The following PLEKHG4B variants were observed in gnomAD, a reference collection of about 807,000 sequenced individuals.
PLEKHG4B encodes pleckstrin homology and RhoGEF domain containing G4B.
In PLEKHG4B, 111 loss-of-function variants were observed where a neutral mutation model predicts 121.3. The ratio of observed to expected loss-of-function variants is 0.92; its 90% CI spans 0.78 to 1.07. PLEKHG4B has a LOEUF of 1.07. PLEKHG4B is among the 50% of genes least tolerant of loss of function. PLEKHG4B has a pLI of 0.00. For missense variants in PLEKHG4B, 1,831 were observed against 1,757.8 expected, an observed-to-expected ratio of 1.04 and a Z score of -0.74; for synonymous variants, 738 against 725.0, an observed-to-expected ratio of 1.02 and a Z score of -0.29.
chr5:99,475 C>A (rs1319205637), intron 1 of PLEKHG4B, among the ~76,000 whole-genome samples: 1 of 151,612 alleles, frequency 6.6e-6, no homozygotes, highest in African/African-American at 2.4e-5. Context: ...AAATTTATTC[C>A]TAGGTATTTA....
chr5:134,611 C>T (rs1374290304), intron 2 of PLEKHG4B, among the ~76,000 whole-genome samples: 2 of 151,418 alleles, frequency 1.3e-5, no homozygotes, highest in African/African-American at 4.9e-5. Flanking sequence ...ACTAAAAATA[C>T]AAAAATTAGC....
intron 2 of PLEKHG4B, among the ~76,000 whole-genome samples, chr5:128,786 A>G (rs1310700791): frequency 6.6e-6 from 1 of 152,166 alleles, no homozygotes; most frequent in Non-Finnish European, 1.5e-5. Flanking sequence ...CACAACTGGG[A>G]TAACCATAAA....
intron 1 of PLEKHG4B, among the ~76,000 whole-genome samples, chr5:95,477 C>G (rs1733604522): frequency 6.6e-6 from 1 of 152,226 alleles, no homozygotes; most frequent in African/African-American, 2.4e-5. Flanking sequence ...TCGCCATGCC[C>G]TGTCTCTTGC....
At chr5:122,351 C>G (rs1734492313) in intron 2 of PLEKHG4B, among the ~76,000 whole-genome samples, 1 of 151,886 alleles carries the variant, frequency 6.6e-6, no homozygotes, top group African/African-American at 2.4e-5. Context: ...TGGACAGACT[C>G]AAAAAAAGGC....
chr5:165,252 G>A (rs1736273397), intron 13 of PLEKHG4B, among the ~76,000 whole-genome samples: 1 of 36,058 alleles, frequency 2.8e-5, no homozygotes, highest in Non-Finnish European at 6.6e-5. Flanking sequence ...ATGCTCTGAC[G>A]GGGCGGGGCT....
chr5:164,824 G>A lies in PLEKHG4B; in HGVS notation c.3476+1276G>A, dbSNP rs543846443. Reference sequence around the variant, plus strand: ...GGAGCTCACACACTAATGCTGTGACGGAGCGGAGCTCACACTAATGCTGTG... The same window carrying A: ...GGAGCTCACACACTAATGCTGTGACAGAGCGGAGCTCACACTAATGCTGTG... On this transcript the variant is annotated intron_variant, in intron 13 of 19. Transcript: ENST00000637938. 1.5e-3 allele frequency among the ~76,000 whole-genome samples: 198 copies of A among 128,876 alleles called. 9 individuals are homozygous for A. The highest frequency in any genetic ancestry group is 9.3e-3 in the Middle Eastern group (2 of 216). The allele number at this position is 128,876 out of a possible 152,430, so 84.5% of individuals were successfully genotyped here.
chr5:160,310 C>G (rs758825982), intron 11 of PLEKHG4B, among the ~76,000 whole-genome samples: 5 of 152,224 alleles, frequency 3.3e-5, no homozygotes, highest in Admixed American at 6.5e-5. Context: ...ATCTCTGTGT[C>G]TCTGCTTCCT....
In PLEKHG4B at chr5:173,014, A is replaced by T. The variant is rs201688092; in HGVS notation, c.4168A>T (p.Thr1390Ser). ...LFEDLILFSK[T>S]QKVEGSHDVY... ...TGAAGACCTCATCCTGTTTAGCAAG[A>T]CCCAGAAGGTGGAGGGCAGCCACGA... The change falls in exon 17 of 20, where the codon ACC becomes TCC. Residue 1390 changes from threonine (T) to serine (S), a missense_variant. Transcript: ENST00000637938. 182 of 1,613,944 alleles carry T rather than the reference A, an allele frequency of 1.1e-4. 1 individual carries two copies. In the South Asian group the frequency reaches 1.9e-3, roughly 17 times the overall value.
chr5:169,249 G>A, intron 13 of PLEKHG4B, 91 bp from the exon 14 acceptor site: 1 of 1,540,216 alleles, frequency 6.5e-7, no homozygotes. Flanking sequence ...ATCCCTCCGG[G>A]TTTTCATGTG....
rs182940941 is a variant in PLEKHG4B at position 159,546 on chromosome 5, A to C, written c.2488-2237A>C. Among the ~76,000 whole-genome samples the C allele has an allele frequency of 6.6e-6, 1 of 151,792 alleles. No homozygotes were observed. The highest frequency in any genetic ancestry group is 6.6e-5 in the Admixed American group (1 of 15,250). On this transcript the variant is annotated intron_variant, in intron 11 of 19. Transcript: ENST00000637938. This position sits in a 1 kb window ranked among gnomAD's most constrained non-coding sequence, Gnocchi z 5.5. ...TTTTTTGTTTCTGCTCTTGCTTTTTAACTCCATGGGCTTATTTTCTGAACA... is the reference window on the plus strand; with the variant it reads ...TTTTTTGTTTCTGCTCTTGCTTTTTCACTCCATGGGCTTATTTTCTGAACA...
At chr5:148,846 A>AT (rs1735513103) in intron 6 of PLEKHG4B, among the ~76,000 whole-genome samples, 1 of 152,252 alleles carries the variant, frequency 6.6e-6, no homozygotes, top group Non-Finnish European at 1.5e-5. Context: ...CAGTAATCAA[A>AT]AAAGTTTGGC....
chr5:92,177 C>CG lies in PLEKHG4B; in HGVS notation c.-52dup, dbSNP rs1300670826. On this transcript the variant is annotated 5_prime_UTR_variant, in exon 1 of 20. Transcript: ENST00000637938. ...AAGGCGGCCTCGGCCCAGTGCACAG[C>CG]GGGACCAGGCAGAGTTCGGGGAAAG... 10 of 367,728 alleles carry CG rather than the reference C, an allele frequency of 2.7e-5. No individual in the cohort carries two copies. The highest frequency in any genetic ancestry group is 4.8e-5 in the Non-Finnish European group (10 of 206,816). 22.8% of individuals were successfully genotyped at this position (367,728 alleles called of 1,614,324 possible).
At position 140,395 on chromosome 5, in the gene PLEKHG4B, A is replaced by G. The variant is rs1167836820; in HGVS notation, c.1156A>G (p.Arg386Gly). Residue 386 changes from arginine to glycine, a missense_variant, in exon 3 of 20, where the codon AGG becomes GGG. Arg to Gly is a moderately radical substitution (Grantham distance 125). Coordinates refer to ENST00000637938, the MANE Select transcript of PLEKHG4B (RefSeq NM_052909.5). ...LACSSLTGAS[R>G]DLGTGAVASG... The stretch of plus-strand genomic sequence containing the variant: ...CTGCAGCTCCCTGACTGGAGCCAGC[A>G]GGGACCTGGGGACTGGGGCAGTAGC... The G allele has an allele frequency of 8.4e-6, 13 of 1,553,360 alleles. No individual in the cohort carries two copies. Among genetic ancestry groups the G allele is most frequent in the Non-Finnish European group, 1.1e-5 (13 of 1,149,180 alleles).
rs777970072 is a variant in PLEKHG4B, at chr5:143,473, G to A, written c.1781G>A (p.Arg594His). ...CACTCGTCCTGTGCTGAGCTGACCC[G>A]CCTGCTGCTGTACTTCCATAGCATC... ...REHSSCAELTRLLLYFHSIPR... is the reference protein window; with the variant it reads ...REHSSCAELTHLLLYFHSIPR... Residue 594 changes from arginine (R) to histidine (H), a missense_variant, in exon 5 of 20, where the codon CGC (arginine) becomes CAC (histidine). Physicochemically the swap from Arg to His is conservative, Grantham distance 29 (BLOSUM62 0). Transcript: ENST00000637938. 1.2e-5 allele frequency: 20 copies of A among 1,612,876 alleles called. No homozygotes were observed. The highest frequency in any genetic ancestry group is 3.3e-5 in the Admixed American group (2 of 60,032).
At chr5:134,084 T>C (rs1734867796) in intron 2 of PLEKHG4B, among the ~76,000 whole-genome samples, 1 of 73,228 alleles carries the variant, frequency 1.4e-5, no homozygotes, top group East Asian at 3.6e-4. Flanking sequence ...AGAATATATA[T>C]ATATATATAT....
chr5:161,739 TGGAAGCAC>T (rs1356849138), intron 11 of PLEKHG4B, 36 bp from the exon 12 acceptor site: 1 of 1,612,514 alleles, frequency 6.2e-7, no homozygotes, highest in African/African-American at 1.3e-5. Context: ...GACATGAACG[TGGAAGCAC>T]CGGGCTTGTA....
At chr5:138,683 A>G (rs947011896) in intron 2 of PLEKHG4B, among the ~76,000 whole-genome samples, 12 of 152,214 alleles carry the variant, frequency 7.9e-5, no homozygotes, top group Admixed American at 5.9e-4. Flanking sequence ...TTACCAGTGC[A>G]AAACATGATT....
intron 13 of PLEKHG4B, among the ~76,000 whole-genome samples, chr5:166,915 G>A (rs998313140): frequency 6.6e-6 from 1 of 152,142 alleles, no homozygotes; most frequent in Non-Finnish European, 1.5e-5. Flanking sequence ...TGTATCTGCC[G>A]GCTGAGCCCT....
chr5:154,954 T>G lies in PLEKHG4B; in HGVS notation c.2072T>G (p.Phe691Cys), dbSNP rs753891101. 5 of 1,613,534 alleles carry G rather than the reference T, an allele frequency of 3.1e-6. No individual in the cohort carries two copies. The highest frequency in any genetic ancestry group is 3.3e-5 in the Admixed American group (2 of 60,008). Reference protein sequence around the residue: ...CQLTADLDGSFPYSHGDWICF... With the variant: ...CQLTADLDGSCPYSHGDWICF... ...CTGACCGCAGACCTCGACGGCTCCT[T>G]TCCCTACAGCCATGGTGACTGGATC... Residue 691 changes from phenylalanine to cysteine, a missense_variant, in exon 8 of 20, where the codon TTT (phenylalanine) becomes TGT (cysteine). Transcript: ENST00000637938.
Sources: allele counts gnomAD v4.1 joint callset (sites outside exome capture counted in the v4.1 genomes callset), GRCh38; gene constraint gnomAD v4.1.1; non-coding constraint Gnocchi (gnomAD v3.1); transcripts MANE v1.5; gene names NCBI Gene and HGNC (gene_info 2026-07-23, HGNC 2026-07-21).